Variants in TMEM108 observed in about 807,000 individuals in gnomAD.
The protein encoded by TMEM108 is cancer/testis antigen 124.
In TMEM108, 12 loss-of-function variants were observed where a neutral mutation model predicts 35.1. That is an observed-to-expected ratio of 0.34 (90% confidence interval 0.22 to 0.55). The LOEUF is 0.55. Ranked by LOEUF, TMEM108 falls within the 20% of genes least tolerant of loss-of-function variation. TMEM108 has a pLI of 0.89. For synonymous variants in TMEM108, 287 were observed against 308.6 expected (o/e 0.93, Z 0.73); for missense variants, 680 against 753.3 (o/e 0.90, Z 1.14).
chr3:133,138,092 T>C (rs1944590137), intron 2 of TMEM108, among the ~76,000 whole-genome samples: 1 of 152,220 alleles, frequency 6.6e-6, no homozygotes, highest in Admixed American at 6.5e-5. Flanking sequence ...CATGGTTGTT[T>C]TCCCTGGGAC....
intron 3 of TMEM108, among the ~76,000 whole-genome samples, chr3:133,291,821 G>A (rs544751234): frequency 9.2e-5 from 14 of 152,146 alleles, no homozygotes; most frequent in Admixed American, 2.0e-4. Flanking sequence ...CATCTATCTC[G>A]GCCTTTCTCA....
chr3:133,198,561 G>A (rs1344871142), intron 2 of TMEM108, among the ~76,000 whole-genome samples: 1 of 152,210 alleles, frequency 6.6e-6, no homozygotes, highest in Admixed American at 6.5e-5. Flanking sequence ...AAGGAGGGCA[G>A]TTTGGCCAGG....
At chr3:133,384,386 G>GGGCGGGGTGCTGGGCAGC (rs2073093451) in intron 4 of TMEM108, among the ~76,000 whole-genome samples, 4 of 152,176 alleles carry the variant, frequency 2.6e-5, no homozygotes, top group Admixed American at 6.5e-5. Flanking sequence ...TGGTAGAAGT[G>GGGCGGGGTGCTGGGCAGC]GGAGTTGAGT....
chr3:133,190,307 T>A (rs1425985599), intron 2 of TMEM108, among the ~76,000 whole-genome samples: 3 of 152,144 alleles, frequency 2.0e-5, no homozygotes, highest in East Asian at 3.9e-4. Context: ...TGATTTTATT[T>A]ATATCAGGGG....
intron 3 of TMEM108, among the ~76,000 whole-genome samples, chr3:133,366,866 A>G (rs1341230348): frequency 6.6e-6 from 1 of 152,198 alleles, no homozygotes; most frequent in Middle Eastern, 3.2e-3. Context: ...TGATGGTACC[A>G]TGTTCAACAG....
intron 3 of TMEM108, among the ~76,000 whole-genome samples, chr3:133,309,490 T>G (rs970857025): frequency 6.6e-5 from 10 of 152,124 alleles, no homozygotes; most frequent in Admixed American, 3.3e-4. Context: ...CTTTCTCTTG[T>G]GTGCTTTTAG....
intron 3 of TMEM108, among the ~76,000 whole-genome samples, chr3:133,320,956 A>G (rs1427966047): frequency 6.6e-6 from 1 of 152,228 alleles, no homozygotes; most frequent in African/African-American, 2.4e-5. Context: ...AGTCTTTTTC[A>G]GACTAACAAA....
chr3:133,039,671 T>C (rs951989531), intron 1 of TMEM108, among the ~76,000 whole-genome samples: 3 of 152,212 alleles, frequency 2.0e-5, no homozygotes, highest in African/African-American at 7.2e-5. Flanking sequence ...TAATCTACTC[T>C]GTAAGAAATG....
chr3:133,313,565 C>T (rs569579721), intron 3 of TMEM108, among the ~76,000 whole-genome samples: 1 of 152,256 alleles, frequency 6.6e-6, no homozygotes, highest in Admixed American at 6.5e-5. Context: ...CTGACGTTTC[C>T]TCCTGATTCC....
intron 3 of TMEM108, among the ~76,000 whole-genome samples, chr3:133,254,030 T>C (rs1443388845): frequency 6.6e-6 from 1 of 152,184 alleles, no homozygotes; most frequent in Non-Finnish European, 1.5e-5. Context: ...GTCATATTCC[T>C]ATAAAAGAAC....
rs1428586707 is a variant in TMEM108 at position 133,381,009 on chromosome 3, T to A, written c.1298T>A (p.Leu433Gln). The change falls in exon 4 of 6, where the codon CTG becomes CAG. Residue 433 changes from leucine (L) to glutamine (Q), a missense_variant. Physicochemically the swap from Leu to Gln is moderately radical, Grantham distance 113 (BLOSUM62 -2). This residue lies in a region of TMEM108 where 526 missense variants were observed against 532.1 expected (regional missense o/e 0.99). Coordinates refer to ENST00000321871, the MANE Select transcript of TMEM108 (RefSeq NM_023943.4). Reference sequence around the variant, plus strand: ...GCCACAGGCAATTTCCTCAACCGCCTGGTCCCCGCCGGGACCTGGAAGCCT... The same window carrying A: ...GCCACAGGCAATTTCCTCAACCGCCAGGTCCCCGCCGGGACCTGGAAGCCT... ...STATGNFLNR[L>Q]VPAGTWKPGT... 6.2e-7 allele frequency: 1 copy of A among 1,614,080 alleles called. No homozygotes were observed. The highest frequency in any genetic ancestry group is 8.5e-7 in the Non-Finnish European group (1 of 1,180,034).
At chr3:133,377,999 C>G (rs910434732) in intron 3 of TMEM108, among the ~76,000 whole-genome samples, 3 of 152,162 alleles carry the variant, frequency 2.0e-5, no homozygotes, top group Non-Finnish European at 4.4e-5. Flanking sequence ...ACCATACCCC[C>G]CCCGACCAAC....
chr3:133,360,756 A>C (rs184368556), intron 3 of TMEM108, among the ~76,000 whole-genome samples: 1 of 152,240 alleles, frequency 6.6e-6, no homozygotes, highest in South Asian at 2.1e-4. Flanking sequence ...TGGGTGTACC[A>C]CCTGGTGAAA....
chr3:133,220,743 G>A (rs1455131765), intron 2 of TMEM108, among the ~76,000 whole-genome samples: 4 of 151,996 alleles, frequency 2.6e-5, no homozygotes, highest in East Asian at 1.9e-4. Flanking sequence ...AGGTAGGATT[G>A]GATCCTACAG....
intron 2 of TMEM108, among the ~76,000 whole-genome samples, chr3:133,189,008 A>T (rs1391463452): frequency 2.0e-5 from 3 of 152,130 alleles, no homozygotes; most frequent in African/African-American, 7.2e-5. Flanking sequence ...CCAGGCCATT[A>T]ACTGGAACTC....
intron 2 of TMEM108, among the ~76,000 whole-genome samples, chr3:133,057,138 C>G (rs1010677672): frequency 6.6e-6 from 1 of 152,240 alleles, no homozygotes; most frequent in South Asian, 2.1e-4. Context: ...CCTCGTCTGT[C>G]AGCTACAAGA....
At chr3:133,231,067 T>C (rs1946146258) in intron 3 of TMEM108, among the ~76,000 whole-genome samples, 1 of 152,206 alleles carries the variant, frequency 6.6e-6, no homozygotes, top group Admixed American at 6.5e-5. Flanking sequence ...AGCTCCTATA[T>C]GTCACTGGTC....
intron 3 of TMEM108, among the ~76,000 whole-genome samples, chr3:133,271,038 GCTA>G (rs1946764447): frequency 6.6e-6 from 1 of 152,062 alleles, no homozygotes; most frequent in African/African-American, 2.4e-5. Flanking sequence ...TTTGGTTTTT[GCTA>G]CTCCTAGTTA....
intron 2 of TMEM108, among the ~76,000 whole-genome samples, chr3:133,108,446 G>T (rs1264974052): frequency 1.3e-5 from 2 of 152,044 alleles, no homozygotes; most frequent in Non-Finnish European, 2.9e-5. Context: ...CATATCATTT[G>T]CCCACTTTTT....
Sources: allele counts gnomAD v4.1 joint callset (sites outside exome capture counted in the v4.1 genomes callset), GRCh38; gene constraint gnomAD v4.1.1; regional missense constraint gnomAD v4.1.1; transcripts MANE v1.5; gene names NCBI Gene and HGNC (gene_info 2026-07-23, HGNC 2026-07-21).